NACC2: variants seen among roughly 807,000 people sequenced by gnomAD.
The protein encoded by NACC2 is nucleus accumbens-associated protein 2.
Under a neutral mutation model 25.1 loss-of-function variants are expected in NACC2, and 8 were observed. That is an observed-to-expected ratio of 0.32 (90% CI 0.19 to 0.57). The LOEUF is 0.57. Ranked by LOEUF, NACC2 falls within the 20% of genes least tolerant of loss-of-function variation. NACC2 has a pLI of 0.89. For missense variants in NACC2, 644 were observed against 650.2 expected, an observed-to-expected ratio of 0.99 and a Z score of 0.10; for synonymous variants, 435 against 294.7, an observed-to-expected ratio of 1.48 and a Z score of -4.88.
Position 136,041,342 on chromosome 9 carries a change from C to T in NACC2, c.886+8294G>A, listed in dbSNP as rs1010481712. On this transcript the variant is annotated intron_variant, in intron 2 of 5. Transcript: ENST00000277554. ...GAGGCTGAGGCAGAAACTGCCTGAA[C>T]CCAGGAGGCGGAGGCTGCAGTGAGC... is the stretch of plus-strand genomic sequence containing the variant. Among the ~76,000 whole-genome samples the T allele has an allele frequency of 2.6e-5, 4 of 151,878 alleles. No individual in the cohort carries two copies. In the South Asian group the frequency reaches 6.2e-4, roughly 24 times the overall value.
chr9:136,039,136 A>G (rs914793330), intron 2 of NACC2, among the ~76,000 whole-genome samples: 11 of 152,248 alleles, frequency 7.2e-5, no homozygotes, highest in Non-Finnish European at 8.8e-5. Flanking sequence ...AAAGAGCCAA[A>G]ACCACACAAA....
chr9:136,034,047 T>C (rs1244751584), intron 2 of NACC2, among the ~76,000 whole-genome samples: 1 of 152,048 alleles, frequency 6.6e-6, no homozygotes, highest in Non-Finnish European at 1.5e-5. Flanking sequence ...AGAAAATATT[T>C]AGAAAGATTC....
At chr9:136,075,058 C>CCG (rs1830246657) in intron 1 of NACC2, among the ~76,000 whole-genome samples, 1 of 152,124 alleles carries the variant, frequency 6.6e-6, no homozygotes, top group African/African-American at 2.4e-5. Context: ...CTCCTCCAGG[C>CCG]CGACGCTCTT....
intron 2 of NACC2, among the ~76,000 whole-genome samples, chr9:136,038,147 G>A (rs890203359): frequency 9.9e-5 from 15 of 152,172 alleles, no homozygotes; most frequent in South Asian, 6.2e-4. Context: ...CAGGGGAAGC[G>A]GGGGGAAATG....
intron 1 of NACC2, among the ~76,000 whole-genome samples, chr9:136,067,472 A>G (rs1350267235): frequency 6.6e-6 from 1 of 152,202 alleles, no homozygotes; most frequent in Non-Finnish European, 1.5e-5. Flanking sequence ...ATGCATCATT[A>G]GGTGATTTTG....
In NACC2 at chr9:136,055,780, C is replaced by T. The variant is rs965721757; in HGVS notation, c.-59-5200G>A. Among the ~76,000 whole-genome samples the T allele has an allele frequency of 1.8e-4, 28 of 152,172 alleles. No homozygotes were observed. The highest frequency in any genetic ancestry group is 3.5e-4 in the Non-Finnish European group (24 of 68,028). Reference sequence around the variant, plus strand: ...GAGGCGGGGCACGGGAAACGTTCTGCGGAGGGGAGAGTCCCTCTACCCCGA... The same window carrying T: ...GAGGCGGGGCACGGGAAACGTTCTGTGGAGGGGAGAGTCCCTCTACCCCGA... On this transcript the variant is annotated intron_variant, in intron 1 of 5. Coordinates refer to ENST00000277554, the MANE Select transcript of NACC2 (RefSeq NM_144653.5). The surrounding 1 kb of genome is among the most constrained non-coding windows in gnomAD (Gnocchi z 4.9).
Position 136,071,542 on chromosome 9 carries a change from C to CA in NACC2, c.-59-20963dup, listed in dbSNP as rs34087690. Among the ~76,000 whole-genome samples the CA allele has an allele frequency of 4.7e-3, 393 of 83,032 alleles. 4 individuals carry two copies. Among genetic ancestry groups the CA allele is most frequent in the African/African-American group, 6.4e-3 (133 of 20,678 alleles). 54.5% of individuals were successfully genotyped at this position (83,032 alleles called of 152,430 possible). On this transcript the variant is annotated intron_variant, in intron 1 of 5. Transcript: ENST00000277554. Reference sequence around the variant, plus strand: ...TGGATGATAGAGTGAGACTCCATCTCAAAAAAAAAAAAAAAAAAAAAAAAT... The same window carrying CA: ...TGGATGATAGAGTGAGACTCCATCTCAAAAAAAAAAAAAAAAAAAAAAAAAT...
At position 136,020,554 on chromosome 9, in the gene NACC2, G is replaced by A. The variant is rs1840276434; in HGVS notation, c.887-4125C>T. ...AGCAGAGCCTCGGCGGGGGTAGGAGGGAGACGGGGAGGCCTACTCCCTAAA... is the reference window on the plus strand; with the variant it reads ...AGCAGAGCCTCGGCGGGGGTAGGAGAGAGACGGGGAGGCCTACTCCCTAAA... On this transcript the variant is annotated intron_variant, in intron 2 of 5. Coordinates refer to ENST00000277554, the MANE Select transcript of NACC2 (RefSeq NM_144653.5). This position sits in a 1 kb window ranked among gnomAD's most constrained non-coding sequence, Gnocchi z 4.7. Among the ~76,000 whole-genome samples, 1 of 152,236 alleles carries A rather than the reference G, an allele frequency of 6.6e-6. No individual in the cohort carries two copies. Among genetic ancestry groups the A allele is most frequent in the African/African-American group, 2.4e-5 (1 of 41,456 alleles).
intron 1 of NACC2, among the ~76,000 whole-genome samples, chr9:136,054,134 G>A (rs1840889139): frequency 6.6e-6 from 1 of 152,234 alleles, no homozygotes; most frequent in Non-Finnish European, 1.5e-5. Context: ...AGCCGGTGAT[G>A]CCTGCAACCT....
chr9:136,061,003 T>C (rs1841002887), intron 1 of NACC2, among the ~76,000 whole-genome samples: 1 of 152,218 alleles, frequency 6.6e-6, no homozygotes, highest in Admixed American at 6.5e-5. Context: ...TGGTTTGTTC[T>C]GCACCATCAC....
intron 2 of NACC2, among the ~76,000 whole-genome samples, chr9:136,045,009 G>A (rs992365104): frequency 1.3e-5 from 2 of 152,352 alleles, no homozygotes; most frequent in Admixed American, 1.3e-4. Context: ...CAGGACAGAT[G>A]TGCTGCTGTG....
intron 1 of NACC2, among the ~76,000 whole-genome samples, chr9:136,051,165 G>A (rs1369931915): frequency 6.6e-6 from 1 of 152,166 alleles, no homozygotes; most frequent in African/African-American, 2.4e-5. Flanking sequence ...TGAGCCTCCC[G>A]GGCAGGTAGG....
In NACC2 at chr9:136,022,365, C is replaced by T. The variant is rs919668759; in HGVS notation, c.887-5936G>A. ...CGAAAGCACACAGGTGTGGACTCAACACCCTCCTGCCCGATGCCCAGCAAG... is the reference window on the plus strand; with the variant it reads ...CGAAAGCACACAGGTGTGGACTCAATACCCTCCTGCCCGATGCCCAGCAAG... On this transcript the variant is annotated intron_variant, in intron 2 of 5. Coordinates refer to ENST00000277554, the MANE Select transcript of NACC2 (RefSeq NM_144653.5). This position sits in a 1 kb window ranked among gnomAD's most constrained non-coding sequence, Gnocchi z 4.4. Among the ~76,000 whole-genome samples, 8 of 152,230 alleles carry T rather than the reference C, an allele frequency of 5.3e-5. No homozygotes were observed. Among genetic ancestry groups the T allele is most frequent in the African/African-American group, 1.9e-4 (8 of 41,446 alleles).
At chr9:136,031,630 G>T (rs539608955) in intron 2 of NACC2, among the ~76,000 whole-genome samples, 79 of 152,284 alleles carry the variant, frequency 5.2e-4, no homozygotes, top group Non-Finnish European at 8.2e-4. Flanking sequence ...GAGCCACTGT[G>T]CCCGGCCCAC....
At chr9:136,050,682 A>G (rs1047477514) in intron 1 of NACC2, 102 bp from the exon 2 acceptor site, 2 of 636,634 alleles carry the variant, frequency 3.1e-6, no homozygotes, top group Non-Finnish European at 5.7e-6. Context: ...GCTTACAAAG[A>G]GCGAGCCTTC....
In NACC2 at chr9:136,066,548, T is replaced by C. The variant is rs1313780102; in HGVS notation, c.-59-15968A>G. ...AGATGTAGCGATCGGGAATGCAAAA[T>C]GTTAGGGCCACTTATGGAAAACAGT... On this transcript the variant is annotated intron_variant, in intron 1 of 5. Coordinates refer to ENST00000277554, the MANE Select transcript of NACC2 (RefSeq NM_144653.5). Among the ~76,000 whole-genome samples, 15 of 152,138 alleles carry C rather than the reference T, an allele frequency of 9.9e-5. 1 individual carries two copies. Among genetic ancestry groups the C allele is most frequent in the Admixed American group, 9.8e-4 (15 of 15,274 alleles).
intron 1 of NACC2, among the ~76,000 whole-genome samples, chr9:136,077,379 AAAAC>A (rs147814280): frequency 0.031 from 4,771 of 152,256 alleles, 114 homozygotes; most frequent in Admixed American, 0.054. Context: ...GGCCTTTGGC[AAAAC>A]AAACAAACAA....
chr9:136,091,551 C>A (rs1472067516), intron 1 of NACC2, among the ~76,000 whole-genome samples: 1 of 152,212 alleles, frequency 6.6e-6, no homozygotes, highest in East Asian at 1.9e-4. Context: ...GAGTGCCGGT[C>A]CCGGAGTTCA....
At chr9:136,044,798 G>A (rs1840695328) in intron 2 of NACC2, among the ~76,000 whole-genome samples, 1 of 152,236 alleles carries the variant, frequency 6.6e-6, no homozygotes, top group African/African-American at 2.4e-5. Context: ...CCTTCCGGAT[G>A]GGTAATGGTG....
Sources: allele counts gnomAD v4.1 joint callset (sites outside exome capture counted in the v4.1 genomes callset), GRCh38; gene constraint gnomAD v4.1.1; non-coding constraint Gnocchi (gnomAD v3.1); transcripts MANE v1.5; gene names NCBI Gene and HGNC (gene_info 2026-07-23, HGNC 2026-07-21).